PVT1: variants seen among roughly 807,000 people sequenced by gnomAD.
PVT1 encodes the protein CXCR4/PVT1 fusion.
intron 3 of PVT1, among the ~76,000 whole-genome samples, chr8:127,988,473 G>A (rs1438049687): frequency 6.6e-6 from 1 of 152,208 alleles, no homozygotes; most frequent in African/African-American, 2.4e-5. Context: ...CGCTGCTTTA[G>A]GATAGCCTAG....
At chr8:127,835,674 C>T (rs1295196465) in intron 2 of PVT1, among the ~76,000 whole-genome samples, 2 of 152,138 alleles carry the variant, frequency 1.3e-5, no homozygotes, top group Non-Finnish European at 2.9e-5. Flanking sequence ...TATCTCCTGA[C>T]TTTTTTGAAA....
chr8:127,867,198 T>C (rs1001389770), intron 2 of PVT1, among the ~76,000 whole-genome samples: 3 of 152,228 alleles, frequency 2.0e-5, no homozygotes, highest in Non-Finnish European at 4.4e-5. Flanking sequence ...GGCATGTGTT[T>C]GGCCTCAGCC....
chr8:127,881,338 A>G (rs1406015367), intron 2 of PVT1, among the ~76,000 whole-genome samples: 1 of 150,120 alleles, frequency 6.7e-6, no homozygotes, highest in Non-Finnish European at 1.5e-5. Context: ...CCGCAGATGA[A>G]CTCCAGTGGA....
chr8:127,886,747 C>T (rs187291439), intron 2 of PVT1, among the ~76,000 whole-genome samples: 1 of 152,044 alleles, frequency 6.6e-6, no homozygotes, highest in African/African-American at 2.4e-5. Flanking sequence ...CTTAAAAAAC[C>T]CTTGTCTGCT....
At chr8:127,816,423 C>T (rs1043536715) in intron 2 of PVT1, among the ~76,000 whole-genome samples, 3 of 151,120 alleles carry the variant, frequency 2.0e-5, no homozygotes, top group Non-Finnish European at 4.4e-5. Context: ...GTTGAGATTA[C>T]AGGCGTGAGC....
intron 4 of PVT1, among the ~76,000 whole-genome samples, chr8:128,016,098 C>T (rs1429998419): frequency 6.6e-6 from 1 of 152,026 alleles, no homozygotes; most frequent in African/African-American, 2.4e-5. Context: ...GGCAACATAG[C>T]GAAACCCTGT....
At chr8:128,054,014 A>C (rs952447139) in intron 4 of PVT1, among the ~76,000 whole-genome samples, 5 of 152,198 alleles carry the variant, frequency 3.3e-5, no homozygotes, top group African/African-American at 1.2e-4. Context: ...AAAAAGCAAA[A>C]TCCAGTGTGA....
chr8:127,869,770 T>C (rs749843177), intron 2 of PVT1, among the ~76,000 whole-genome samples: 1 of 152,140 alleles, frequency 6.6e-6, no homozygotes, highest in Non-Finnish European at 1.5e-5. Context: ...CTGTATGAAC[T>C]TCAGAACATG....
At chr8:127,922,129 G>A (rs1312539903) in intron 3 of PVT1, among the ~76,000 whole-genome samples, 1 of 151,988 alleles carries the variant, frequency 6.6e-6, no homozygotes, top group Non-Finnish European at 1.5e-5. Flanking sequence ...AAAATGCAGG[G>A]ATTACAGGTG....
At chr8:127,825,611 AC>A (rs1159069325) in intron 2 of PVT1, among the ~76,000 whole-genome samples, 1 of 152,106 alleles carries the variant, frequency 6.6e-6, no homozygotes, top group Non-Finnish European at 1.5e-5. Flanking sequence ...GTGGGGTACG[AC>A]CATGTTGCAT....
intron 3 of PVT1, among the ~76,000 whole-genome samples, chr8:127,955,707 C>T (rs547214150): frequency 2.6e-4 from 40 of 152,192 alleles, no homozygotes; most frequent in Non-Finnish European, 5.3e-4. Flanking sequence ...CTCAGCCTCC[C>T]GAGTAGCTGG....
chr8:127,813,285 A>G (rs1054992236), intron 2 of PVT1, among the ~76,000 whole-genome samples: 3 of 148,954 alleles, frequency 2.0e-5, no homozygotes, highest in Admixed American at 6.7e-5. Context: ...TATATAATAT[A>G]TAGATGTCAT....
At chr8:128,029,586 G>A (rs576203456) in intron 4 of PVT1, among the ~76,000 whole-genome samples, 1 of 152,310 alleles carries the variant, frequency 6.6e-6, no homozygotes, top group Non-Finnish European at 1.5e-5. Flanking sequence ...TGGATCATGA[G>A]GTTAGGAGTT....
chr8:127,874,888 C>G (rs143436782), intron 2 of PVT1, among the ~76,000 whole-genome samples: 1 of 150,210 alleles, frequency 6.7e-6, no homozygotes, highest in Non-Finnish European at 1.5e-5. Context: ...GCTCTGCAGT[C>G]TTGGTTGGCC....
At chr8:128,058,005 G>A (rs1033734350) in intron 4 of PVT1, among the ~76,000 whole-genome samples, 6 of 152,142 alleles carry the variant, frequency 3.9e-5, no homozygotes, top group Admixed American at 2.6e-4. Flanking sequence ...ATCAAATTAG[G>A]GTAAGAGGCT....
chr8:128,091,752 G>A (rs1814356922), intron 5 of PVT1, among the ~76,000 whole-genome samples: 1 of 152,206 alleles, frequency 6.6e-6, no homozygotes. Flanking sequence ...TTTATAAGAT[G>A]TAATAAATTT....
intron 3 of PVT1, among the ~76,000 whole-genome samples, chr8:127,957,566 CA>C (rs56796489): frequency 0.036 from 3,313 of 91,816 alleles, 67 homozygotes; most frequent in African/African-American, 0.12. Context: ...GACTCCGTCT[CA>C]AAAAAAAAAA....
chr8:127,811,718 C>T (rs1563611558), intron 2 of PVT1, among the ~76,000 whole-genome samples: 2 of 152,176 alleles, frequency 1.3e-5, no homozygotes, highest in Non-Finnish European at 2.9e-5. Context: ...CTCTCTCCGT[C>T]CCCTCAACAT....
In PVT1 at chr8:127,858,934, A is replaced by C. The variant is rs929631723; in HGVS notation, n.373-31655A>C. 2.0e-5 allele frequency among the ~76,000 whole-genome samples: 3 copies of C among 148,760 alleles called. No homozygotes were observed. The Admixed American group carries it at 2.1e-4, about 10-fold the overall frequency. On this transcript the variant is annotated intron_variant and non_coding_transcript_variant, in intron 2 of 10. Coordinates refer to ENST00000651587, the Ensembl canonical transcript of PVT1. ...ATGATTCTCCTGCCTCAGCCTCCTG[A>C]ATAGCTGGGACTTTGGGTGTGTGCC...
Sources: allele counts gnomAD v4.1 joint callset (sites outside exome capture counted in the v4.1 genomes callset), GRCh38; gene constraint gnomAD v4.1.1; transcripts MANE v1.5; gene names NCBI Gene and HGNC (gene_info 2026-07-23, HGNC 2026-07-21).